The following RHOU variants were observed in gnomAD, a reference collection of about 807,000 sequenced individuals.
The protein encoded by RHOU is rho-related GTP-binding protein RhoU.
RHOU carries 8 observed loss-of-function variants against 12.6 expected under a neutral mutation model. The ratio of observed to expected loss-of-function variants is 0.64; its 90% CI spans 0.37 to 1.15. The LOEUF is 1.15. RHOU is among the 50% of genes most tolerant of loss of function. The pLI, the probability that RHOU is intolerant of heterozygous loss-of-function variation, is 0.01. For missense variants in RHOU, 258 were observed against 347.0 expected, an observed-to-expected ratio of 0.74 and a Z score of 2.04; for synonymous variants, 161 against 147.4, an observed-to-expected ratio of 1.09 and a Z score of -0.67.
the RHOU span, among the ~76,000 whole-genome samples, chr1:228,717,669 G>A: frequency 6.6e-6 from 1 of 152,206 alleles, no homozygotes; most frequent in Non-Finnish European, 1.5e-5. Context: ...CTTGATGTAG[G>A]AAAAAGTTGA....
At chr1:228,686,379 A>C in the RHOU span, among the ~76,000 whole-genome samples, 1 of 152,206 alleles carries the variant, frequency 6.6e-6, no homozygotes, top group African/African-American at 2.4e-5. Context: ...CAACATTATG[A>C]ATATAATTAA....
the RHOU span, among the ~76,000 whole-genome samples, chr1:228,666,098 C>T: frequency 1.3e-5 from 2 of 151,812 alleles, no homozygotes; most frequent in Admixed American, 1.3e-4. Context: ...GCTAGGATTG[C>T]AGGCGTGCAC....
At chr1:228,702,225 G>T in the RHOU span, among the ~76,000 whole-genome samples, 4 of 152,078 alleles carry the variant, frequency 2.6e-5, no homozygotes, top group African/African-American at 9.7e-5. Context: ...TTACTGAAAA[G>T]AATATTAATA....
the RHOU span, among the ~76,000 whole-genome samples, chr1:228,722,046 G>C: frequency 6.6e-6 from 1 of 152,280 alleles, no homozygotes; most frequent in Non-Finnish European, 1.5e-5. Flanking sequence ...GGCAGAGCCT[G>C]GTGCCCTTAC....
chr1:228,721,139 TA>T, the RHOU span, among the ~76,000 whole-genome samples: 99 of 152,186 alleles, frequency 6.5e-4, no homozygotes, highest in African/African-American at 2.3e-3. Context: ...CTGTCTCTAC[TA>T]AAAATAGAAA....
chr1:228,704,884 C>A, the RHOU span, among the ~76,000 whole-genome samples: 15 of 151,796 alleles, frequency 9.9e-5, no homozygotes, highest in African/African-American at 2.7e-4. Context: ...TTCACTGCAA[C>A]CTTCACCTCC....
the RHOU span, among the ~76,000 whole-genome samples, chr1:228,665,518 A>G: frequency 6.6e-6 from 1 of 152,162 alleles, no homozygotes; most frequent in Non-Finnish European, 1.5e-5. Flanking sequence ...GAGTGACTCA[A>G]ATCAGGTATC....
the RHOU span, among the ~76,000 whole-genome samples, chr1:228,726,648 C>T: frequency 6.9e-6 from 1 of 144,532 alleles, no homozygotes; most frequent in Non-Finnish European, 1.5e-5. Flanking sequence ...CTGGCCAAGA[C>T]AGTGAGACTC....
At chr1:228,707,513 C>A in the RHOU span, among the ~76,000 whole-genome samples, 2 of 151,612 alleles carry the variant, frequency 1.3e-5, no homozygotes, top group African/African-American at 4.9e-5. Context: ...GACCCCCGAG[C>A]AGCCTAACTG....
the RHOU span, among the ~76,000 whole-genome samples, chr1:228,662,226 TTGG>T: frequency 6.6e-6 from 1 of 152,228 alleles, no homozygotes; most frequent in African/African-American, 2.4e-5. Context: ...TTTTACACTG[TTGG>T]TGGGAGTGTA....
chr1:228,713,033 T>G, the RHOU span, among the ~76,000 whole-genome samples: 1 of 151,632 alleles, frequency 6.6e-6, no homozygotes, highest in African/African-American at 2.4e-5. Context: ...GGATGATGAA[T>G]GTTGTGATAT....
At chr1:228,660,554 T>C in the RHOU span, among the ~76,000 whole-genome samples, 1 of 151,858 alleles carries the variant, frequency 6.6e-6, no homozygotes, top group Admixed American at 6.6e-5. Flanking sequence ...ATATGAAGAT[T>C]GATGTATAAA....
the RHOU span, among the ~76,000 whole-genome samples, chr1:228,695,235 G>C: frequency 3.3e-5 from 5 of 152,170 alleles, no homozygotes; most frequent in African/African-American, 1.2e-4. Flanking sequence ...TTCTCAAACT[G>C]CTGGGATTAC....
At chr1:228,660,123 C>A in the RHOU span, among the ~76,000 whole-genome samples, 1 of 151,900 alleles carries the variant, frequency 6.6e-6, no homozygotes, top group African/African-American at 2.4e-5. Flanking sequence ...CACTGTGCTC[C>A]AGCCTGGGTG....
the RHOU span, chr1:228,650,226 G>A: frequency 2.2e-5 from 10 of 457,122 alleles, no homozygotes; most frequent in Non-Finnish European, 1.8e-5. Flanking sequence ...CTGGCCTTGG[G>A]CACCTGTGGA....
the RHOU span, among the ~76,000 whole-genome samples, chr1:228,651,908 T>A: frequency 2.0e-3 from 300 of 152,320 alleles, 6 homozygotes; most frequent in Middle Eastern, 0.027. Flanking sequence ...ATATGCCAAT[T>A]TGAACCCTGA....
At chr1:228,679,906 G>A in the RHOU span, among the ~76,000 whole-genome samples, 1 of 152,022 alleles carries the variant, frequency 6.6e-6, no homozygotes, top group Non-Finnish European at 1.5e-5. Context: ...GAATAGTCAG[G>A]GAAGCATGTA....
the RHOU span, among the ~76,000 whole-genome samples, chr1:228,707,288 G>T: frequency 7.7e-6 from 1 of 130,652 alleles, no homozygotes. Context: ...GTGTGTGTGT[G>T]TGTGTGTGTG....
the RHOU span, among the ~76,000 whole-genome samples, chr1:228,718,116 T>G: frequency 6.6e-6 from 1 of 152,138 alleles, no homozygotes; most frequent in Non-Finnish European, 1.5e-5. Context: ...GAGATCATAA[T>G]GAGAACCTGG....
Sources: allele counts gnomAD v4.1 joint callset (sites outside exome capture counted in the v4.1 genomes callset), GRCh38; gene constraint gnomAD v4.1.1; transcripts MANE v1.5; gene names NCBI Gene and HGNC (gene_info 2026-07-23, HGNC 2026-07-21).